Variants in PTPRK observed in about 807,000 individuals in gnomAD.
PTPRK encodes the protein receptor-type tyrosine-protein phosphatase kappa.
A neutral mutation model predicts 178.0 loss-of-function variants in PTPRK; 75 were observed. That is an observed-to-expected ratio of 0.42 (90% CI 0.35 to 0.51). The LOEUF (loss-of-function observed/expected upper bound fraction) is 0.51. Among genes scored for constraint, PTPRK ranks in the 20% least tolerant of loss-of-function variants. The probability of loss-of-function intolerance (pLI) is 0.02; values close to 1 mark genes in which losing one functional copy is unlikely to be tolerated. For missense variants in PTPRK, 1,441 were observed against 1,797.8 expected (o/e 0.80, Z 3.59); for synonymous variants, 637 against 620.6 (o/e 1.03, Z -0.39).
chr6:128,032,925 CAG>C (rs1775587540), intron 13 of PTPRK, among the ~76,000 whole-genome samples: 2 of 152,158 alleles, frequency 1.3e-5, no homozygotes, highest in South Asian at 4.1e-4. Flanking sequence ...TCTTGAATGA[CAG>C]ATATTTTTAA....
At chr6:128,472,367 T>C (rs1465164932) in intron 1 of PTPRK, among the ~76,000 whole-genome samples, 2 of 152,020 alleles carry the variant, frequency 1.3e-5, no homozygotes, top group Non-Finnish European at 2.9e-5. Context: ...TTGTTTGTTT[T>C]GTTTTTTGAC....
intron 7 of PTPRK, among the ~76,000 whole-genome samples, chr6:128,113,835 T>C (rs75608362): frequency 7.9e-5 from 12 of 152,228 alleles, no homozygotes; most frequent in Non-Finnish European, 1.5e-4. Context: ...ACATACAAAG[T>C]ATACACACAC....
chr6:128,393,384 C>T (rs574763296), intron 2 of PTPRK, among the ~76,000 whole-genome samples: 13 of 152,076 alleles, frequency 8.5e-5, no homozygotes, highest in South Asian at 2.1e-4. Flanking sequence ...CCACCACGCC[C>T]GGCTGTTCAT....
intron 1 of PTPRK, among the ~76,000 whole-genome samples, chr6:128,472,537 C>A (rs1850837502): frequency 6.6e-6 from 1 of 151,766 alleles, no homozygotes; most frequent in African/African-American, 2.4e-5. Flanking sequence ...CTGAATATCC[C>A]TTACCCAAGT....
At chr6:128,079,093 T>C (rs187772238) in intron 10 of PTPRK, among the ~76,000 whole-genome samples, 175 bp from the exon 11 acceptor site, 1 of 152,218 alleles carries the variant, frequency 6.6e-6, no homozygotes, top group East Asian at 1.9e-4. Context: ...GAACTTAAAA[T>C]ATCAAAAGCT....
intron 5 of PTPRK, among the ~76,000 whole-genome samples, chr6:128,220,404 C>A (rs937458547): frequency 6.6e-6 from 1 of 152,008 alleles, no homozygotes; most frequent in Non-Finnish European, 1.5e-5. Context: ...CAAAGAAAAC[C>A]CACAACGCTG....
chr6:128,325,502 T>C (rs1479235567), intron 2 of PTPRK, among the ~76,000 whole-genome samples: 2 of 151,458 alleles, frequency 1.3e-5, no homozygotes, highest in Non-Finnish European at 2.9e-5. Flanking sequence ...CATCAAAAAG[T>C]GGGTGAAAGA....
chr6:128,190,224 T>C (rs1803526731), intron 6 of PTPRK, among the ~76,000 whole-genome samples: 2 of 152,126 alleles, frequency 1.3e-5, no homozygotes, highest in South Asian at 4.1e-4. Context: ...AACCCAGATA[T>C]ATTTATGAGA....
intron 13 of PTPRK, chr6:128,062,847 A>T (rs1226330115): frequency 2.1e-5 from 3 of 142,222 alleles, no homozygotes; most frequent in Non-Finnish European, 3.1e-5. Flanking sequence ...CCTGGCTAAC[A>T]TTTTTTTTTT....
At chr6:128,003,516 G>T (rs1038634395) in intron 15 of PTPRK, among the ~76,000 whole-genome samples, 5 of 151,616 alleles carry the variant, frequency 3.3e-5, no homozygotes, top group Non-Finnish European at 7.4e-5. Flanking sequence ...ATGTATTTTA[G>T]ATCTATCAAG....
intron 1 of PTPRK, among the ~76,000 whole-genome samples, chr6:128,476,408 A>C (rs1562599983): frequency 6.6e-6 from 1 of 151,732 alleles, no homozygotes; most frequent in East Asian, 1.9e-4. Context: ...ATTTAAGAAA[A>C]CAAACAAAAC....
intron 7 of PTPRK, among the ~76,000 whole-genome samples, chr6:128,113,552 T>C (rs1338983399): frequency 6.6e-6 from 1 of 150,526 alleles, no homozygotes; most frequent in Non-Finnish European, 1.5e-5. Context: ...TTTATAAGTA[T>C]TATAAATAAT....
At chr6:128,305,967 C>T (rs781545700) in intron 3 of PTPRK, among the ~76,000 whole-genome samples, 1 of 152,130 alleles carries the variant, frequency 6.6e-6, no homozygotes, top group Non-Finnish European at 1.5e-5. Flanking sequence ...AAGGCAAAGG[C>T]GAAGCAGATA....
rs184813630 is a variant in PTPRK at position 127,978,029 on chromosome 6, G to A, written c.3712-975C>T. Among the ~76,000 whole-genome samples, 669 of 152,280 alleles carry A rather than the reference G, an allele frequency of 4.4e-3. 2 individuals are homozygous for A. Among genetic ancestry groups the A allele is most frequent in the Non-Finnish European group, 7.8e-3 (529 of 68,028 alleles). ...ACATCAGCACAGGAACTGGTTCTTG[G>A]ACTTCACTGATGCTACCACCATTTG... On this transcript the variant is annotated intron_variant, in intron 25 of 29. Coordinates refer to ENST00000368226, the MANE Select transcript of PTPRK (RefSeq NM_002844.4).
rs981880098 is a variant in PTPRK at position 128,456,904 on chromosome 6, T to C, written c.101-59216A>G. 4.6e-5 allele frequency among the ~76,000 whole-genome samples: 7 copies of C among 152,228 alleles called. No homozygotes were observed. In the East Asian group the frequency reaches 1.3e-3, roughly 29 times the overall value. ...TAAAGGTAAGTCTAAATTTGAAAAATACATTTCCCAAAATGTTTCTATTTC... is the reference window on the plus strand; with the variant it reads ...TAAAGGTAAGTCTAAATTTGAAAAACACATTTCCCAAAATGTTTCTATTTC... On this transcript the variant is annotated intron_variant, in intron 1 of 29. Transcript: ENST00000368226.
chr6:128,292,567 T>C (rs2128307548), intron 3 of PTPRK, among the ~76,000 whole-genome samples: 1 of 152,196 alleles, frequency 6.6e-6, no homozygotes, highest in Non-Finnish European at 1.5e-5. Context: ...CACAAAGAAA[T>C]ATAACTCCCA....
intron 2 of PTPRK, among the ~76,000 whole-genome samples, chr6:128,329,094 A>G (rs905030848): frequency 5.9e-5 from 9 of 152,172 alleles, no homozygotes; most frequent in African/African-American, 2.2e-4. Context: ...GGGTCTACAG[A>G]GATCTTTGGA....
At chr6:128,407,957 T>C (rs1160249939) in intron 1 of PTPRK, among the ~76,000 whole-genome samples, 2 of 152,208 alleles carry the variant, frequency 1.3e-5, no homozygotes, top group Non-Finnish European at 2.9e-5. Context: ...TTCTCTGTAG[T>C]ATTATAGCTT....
chr6:128,105,068 C>G (rs1333085712), intron 7 of PTPRK, among the ~76,000 whole-genome samples: 1 of 150,604 alleles, frequency 6.6e-6, no homozygotes, highest in African/African-American at 2.4e-5. Flanking sequence ...AAATACTTCT[C>G]TTGTTTTCTC....
Sources: gnomAD v4.1 joint callset for allele counts (sites outside exome capture counted in the v4.1 genomes callset) on GRCh38, gnomAD v4.1.1 for gene constraint, MANE v1.5 for transcripts, NCBI Gene and HGNC (gene_info 2026-07-23, HGNC 2026-07-21) for gene names.